SMG1: variants seen among roughly 807,000 people sequenced by gnomAD.
SMG1 encodes SMG1 nonsense mediated mRNA decay associated PI3K related kinase.
Under a neutral mutation model 419.9 loss-of-function variants are expected in SMG1, and 22 were observed. That is an observed-to-expected ratio of 0.05 (90% CI 0.04 to 0.07). SMG1 has a LOEUF of 0.07. Ranked by LOEUF, SMG1 falls within the 10% of genes least tolerant of loss-of-function variation. The probability of loss-of-function intolerance (pLI) is 1.00; values close to 1 mark genes in which losing one functional copy is unlikely to be tolerated. For missense variants in SMG1, 3,185 were observed against 4,342.0 expected, an observed-to-expected ratio of 0.73 and a Z score of 7.49; for synonymous variants, 1,538 against 1,553.5, an observed-to-expected ratio of 0.99 and a Z score of 0.23.
At chr16:18,866,052 G>C (rs1460554459) in intron 23 of SMG1, 1 of 155,184 alleles carries the variant, frequency 6.4e-6, no homozygotes, top group Non-Finnish European at 1.4e-5. Flanking sequence ...GTGAAGAGTG[G>C]AGAAAACGAC....
intron 11 of SMG1, 25 bp downstream of exon 11, chr16:18,879,470 A>C: frequency 1.3e-6 from 1 of 769,830 alleles, no homozygotes; most frequent in South Asian, 1.5e-5. Flanking sequence ...CAACACATTA[A>C]AAAGGAAAAG....
At chr16:18,884,623 T>C (rs1490314057) in intron 8 of SMG1, 1 of 175,022 alleles carries the variant, frequency 5.7e-6, no homozygotes, top group Admixed American at 6.0e-5. Flanking sequence ...ACTATGACAC[T>C]TGAAACAAAC....
intron 29 of SMG1, among the ~76,000 whole-genome samples, chr16:18,856,158 T>C (rs1163090581): frequency 6.8e-6 from 1 of 147,416 alleles, no homozygotes; most frequent in Admixed American, 6.8e-5. Flanking sequence ...GCCCTCGTTA[T>C]TTGCTGTTCC....
At chr16:18,841,896 T>C (rs1408237028) in intron 40 of SMG1, 102 bp from the exon 41 acceptor site, 4 of 958,988 alleles carry the variant, frequency 4.2e-6, no homozygotes, top group Non-Finnish European at 6.6e-6. Context: ...AAACTGACAG[T>C]CCATGAGGCA....
chr16:18,889,909 A>G (rs1439620077), intron 5 of SMG1, among the ~76,000 whole-genome samples: 4 of 152,268 alleles, frequency 2.6e-5, no homozygotes, highest in African/African-American at 7.2e-5. Flanking sequence ...ATTAGATAAA[A>G]CACACTATAC....
At chr16:18,883,374 A>T (rs1467532165) in intron 9 of SMG1, among the ~76,000 whole-genome samples, 2 of 152,218 alleles carry the variant, frequency 1.3e-5, no homozygotes, top group Admixed American at 1.3e-4. Context: ...ACGATTCAAG[A>T]TCTCCTGTAC....
chr16:18,832,506 G>T (rs1324982354), intron 51 of SMG1, among the ~76,000 whole-genome samples: 3 of 151,938 alleles, frequency 2.0e-5, no homozygotes, highest in Non-Finnish European at 4.4e-5. Flanking sequence ...TATCATGTTC[G>T]ACTGTGTGTA....
chr16:18,921,153 A>AG (rs2038182668), intron 1 of SMG1, among the ~76,000 whole-genome samples: 10 of 149,352 alleles, frequency 6.7e-5, no homozygotes, highest in African/African-American at 2.2e-4. Flanking sequence ...AAAAAAAAAA[A>AG]AAGAGAGAGA....
intron 48 of SMG1, 78 bp from the exon 49 acceptor site, chr16:18,835,242 A>G: frequency 7.2e-7 from 1 of 1,396,232 alleles, no homozygotes; most frequent in Admixed American, 2.3e-5. Flanking sequence ...TTTAATCCTC[A>G]AACAAAACTT....
chr16:18,854,082 CTTTTT>C (rs11448105), intron 30 of SMG1, among the ~76,000 whole-genome samples: 7 of 84,010 alleles, frequency 8.3e-5, no homozygotes, highest in Non-Finnish European at 1.5e-4. Flanking sequence ...AAATACTAAA[CTTTTT>C]TTTTTTTTTT....
rs374188412 is a variant in SMG1, at chr16:18,833,041, G to A, written c.8691C>T (p.Gly2897=). ...ATTCCACTAGAGTCTGCAGGGGAAC[G>A]CCATCGGTGGTCTGCTCAATAAGAC... The part of the protein sequence containing the change: ...LDGLIEQTTD[G]VPLQTLVESL... Residue 2897 remains glycine (G), a synonymous_variant, in exon 51 of 63, where the codon GGC becomes GGT. Transcript: ENST00000446231. The A allele has an allele frequency of 6.2e-6, 10 of 1,613,846 alleles. No homozygotes were observed. Among genetic ancestry groups the A allele is most frequent in the African/African-American group, 1.3e-5 (1 of 74,928 alleles).
At chr16:18,879,935 T>C (rs1187272081) in intron 10 of SMG1, among the ~76,000 whole-genome samples, 1 of 152,234 alleles carries the variant, frequency 6.6e-6, no homozygotes, top group African/African-American at 2.4e-5. Context: ...AGTGCTATTA[T>C]GACAGGAAAT....
rs370489972 is a variant in SMG1 at position 18,834,197 on chromosome 16, T to C, written c.8565+7A>G. 846 of 1,550,220 alleles carry C rather than the reference T, an allele frequency of 5.5e-4. No individual in the cohort carries two copies. The highest frequency in any genetic ancestry group is 6.9e-4 in the Non-Finnish European group (789 of 1,139,888). On this transcript the variant is annotated splice_region_variant and intron_variant, in intron 50 of 62. Coordinates refer to ENST00000446231, the MANE Select transcript of SMG1 (RefSeq NM_015092.5). ...AACAAACTAATATTTAAAATAAAAGTGTTCACCTGAAGTGAGGTATACACT... is the reference window on the plus strand; with the variant it reads ...AACAAACTAATATTTAAAATAAAAGCGTTCACCTGAAGTGAGGTATACACT...
rs571466290 is a variant in SMG1, at chr16:18,901,373, TTTTTTA to T, written c.93-4423_93-4418del. 1.6e-3 allele frequency among the ~76,000 whole-genome samples: 250 copies of T among 152,204 alleles called. 1 individual carries two copies. Among genetic ancestry groups the T allele is most frequent in the African/African-American group, 5.7e-3 (238 of 41,526 alleles). On this transcript the variant is annotated intron_variant, in intron 1 of 62. Coordinates refer to ENST00000446231, the MANE Select transcript of SMG1 (RefSeq NM_015092.5). ...GGTGCATGCCACCCCATTTAGCTAATTTTTTATTTTTATGTTTTTTGTAGAGACAGG... is the reference window on the plus strand; with the variant it reads ...GGTGCATGCCACCCCATTTAGCTAATTTTTTATGTTTTTTGTAGAGACAGG...
chr16:18,858,044 A>G (rs1247063050), intron 29 of SMG1, 126 bp downstream of exon 29: 10 of 714,598 alleles, frequency 1.4e-5, no homozygotes, highest in Non-Finnish European at 2.0e-5. Flanking sequence ...TGGTGGTCAC[A>G]CAAGTGAAGA....
chr16:18,819,702 T>C lies in SMG1; in HGVS notation c.9742-48A>G, dbSNP rs768521946. 4.8e-6 allele frequency: 7 copies of C among 1,455,866 alleles called. No individual in the cohort carries two copies. The Admixed American group carries it at 1.1e-4, about 23-fold the overall frequency. 90.2% of individuals were successfully genotyped at this position (1,455,866 alleles called of 1,614,324 possible). A position where few individuals can be genotyped will look rare whatever the true frequency, so the allele number is the denominator to read the frequency against. Reference sequence around the variant, plus strand: ...GGTGAAGGTATATGACATTCTCTACTTCCTATTTGTGGAGTATTTTATATA... The same window carrying C: ...GGTGAAGGTATATGACATTCTCTACCTCCTATTTGTGGAGTATTTTATATA... On this transcript the variant is annotated intron_variant, in intron 55 of 62. Transcript: ENST00000446231.
chr16:18,887,762 T>TAAAA (rs57393561), intron 6 of SMG1, among the ~76,000 whole-genome samples: 2 of 38,286 alleles, frequency 5.2e-5, no homozygotes, highest in Admixed American at 5.1e-4. Flanking sequence ...TCAAAAACAG[T>TAAAA]AAAAAAAAAA....
Position 18,841,702 on chromosome 16 carries a change from G to T in SMG1, c.6559C>A (p.Arg2187=). The T allele has an allele frequency of 6.2e-7, 1 of 1,613,932 alleles. No individual in the cohort carries two copies. The highest frequency in any genetic ancestry group is 8.5e-7 in the Non-Finnish European group (1 of 1,179,872). The change falls in exon 41 of 63, where the codon CGG becomes AGG. Residue 2187 remains arginine (R), a synonymous_variant. Coordinates refer to ENST00000446231, the MANE Select transcript of SMG1 (RefSeq NM_015092.5). ...FATINRQETP[R]FHARHYSVTP... ...ACAGAATAGTGTCGAGCATGGAACC[G>T]GGGTGTTTCTTGGCGATTAATTGTA... is the stretch of plus-strand genomic sequence containing the variant.
chr16:18,912,254 G>A (rs1037235713), intron 1 of SMG1, among the ~76,000 whole-genome samples: 3 of 149,396 alleles, frequency 2.0e-5, no homozygotes. Flanking sequence ...TGAAATCTTT[G>A]CACAACAGGG....
Sources: gnomAD v4.1 joint callset for allele counts (sites outside exome capture counted in the v4.1 genomes callset) on GRCh38, gnomAD v4.1.1 for gene constraint, MANE v1.5 for transcripts, NCBI Gene and HGNC (gene_info 2026-07-23, HGNC 2026-07-21) for gene names.